PCDHGA3: variants seen among roughly 807,000 people sequenced by gnomAD.
The protein encoded by PCDHGA3 is protocadherin gamma-A3.
PCDHGA3 carries 40 observed loss-of-function variants against 58.5 expected under a neutral mutation model. That is an observed-to-expected ratio of 0.68 (90% CI 0.53 to 0.89). The LOEUF (loss-of-function observed/expected upper bound fraction) is 0.89. Among genes scored for constraint, PCDHGA3 ranks in the 40% least tolerant of loss-of-function variants. The pLI is 0.00. For missense variants in PCDHGA3, 1,223 were observed against 1,195.9 expected, an observed-to-expected ratio of 1.02 and a Z score of -0.33; for synonymous variants, 530 against 525.7, an observed-to-expected ratio of 1.01 and a Z score of -0.11.
At chr5:141,365,163 CCTA>C in intron 1 of PCDHGA3, 2 of 1,613,918 alleles carry the variant, frequency 1.2e-6, no homozygotes, top group Non-Finnish European at 1.7e-6. Flanking sequence ...GGGAAATTGA[CCTA>C]CTCTTTTCGC....
chr5:141,346,151 C>A lies in PCDHGA3; in HGVS notation c.2118C>A (p.Ala706=), dbSNP rs1357721004. ...AVAAVSCVFL[A]FVIVLLALRL... is the part of the protein sequence containing the mutation. ...CCGCGGTCTCCTGCGTCTTCCTGGC[C>A]TTCGTCATCGTGCTGCTGGCGCTCA... is the stretch of plus-strand genomic sequence containing the variant. Residue 706 remains alanine (A), a synonymous_variant, in exon 1 of 4, where the codon GCC becomes GCA. Transcript: ENST00000253812. 1 of 1,614,020 alleles carries A rather than the reference C, an allele frequency of 6.2e-7. No homozygotes were observed.
intron 1 of PCDHGA3, among the ~76,000 whole-genome samples, chr5:141,430,329 T>G (rs1466381565): frequency 1.3e-5 from 2 of 151,776 alleles, no homozygotes; most frequent in Non-Finnish European, 2.9e-5. Flanking sequence ...AATCATTGTT[T>G]ATAGAAACTT....
Position 141,485,428 on chromosome 5 carries a change from C to T in PCDHGA3, c.2425-9379C>T, listed in dbSNP as rs2099613200. Reference sequence around the variant, plus strand: ...TGGATTTGGACAGCGGAGCCCTGCTCATCAAGAACCCAATCGACCGAGAGG... The same window carrying T: ...TGGATTTGGACAGCGGAGCCCTGCTTATCAAGAACCCAATCGACCGAGAGG... On this transcript the variant is annotated intron_variant, in intron 1 of 3. Transcript: ENST00000253812. The surrounding 1 kb of genome is among the most constrained non-coding windows in gnomAD (Gnocchi z 5.7). The T allele has an allele frequency of 2.5e-6, 4 of 1,614,160 alleles. No homozygotes were observed. The highest frequency in any genetic ancestry group is 3.4e-6 in the Non-Finnish European group (4 of 1,180,022).
chr5:141,384,296 C>T (rs763513374), intron 1 of PCDHGA3: 5 of 1,613,712 alleles, frequency 3.1e-6, no homozygotes, highest in Middle Eastern at 1.6e-4. Flanking sequence ...GAGAACAACC[C>T]CAGAGGGGCC....
At chr5:141,443,330 C>A (rs1005631067) in intron 1 of PCDHGA3, among the ~76,000 whole-genome samples, 44 of 139,282 alleles carry the variant, frequency 3.2e-4, no homozygotes, top group African/African-American at 4.5e-4. Flanking sequence ...AAAAAAAAAA[C>A]AAAAATTAAC....
chr5:141,389,983 T>C (rs1224770373), intron 1 of PCDHGA3: 1 of 1,614,014 alleles, frequency 6.2e-7, no homozygotes, highest in East Asian at 2.2e-5. Context: ...ATCTCAGTGC[T>C]CTTCCTCGTG....
chr5:141,430,655 G>C (rs1309165721), intron 1 of PCDHGA3: 2 of 1,085,056 alleles, frequency 1.8e-6, no homozygotes, highest in Non-Finnish European at 2.6e-6. Flanking sequence ...TGGAAACAAC[G>C]GAGGAGCTCT....
At chr5:141,447,371 C>G (rs1180989888) in intron 1 of PCDHGA3, among the ~76,000 whole-genome samples, 1 of 151,826 alleles carries the variant, frequency 6.6e-6, no homozygotes, top group African/African-American at 2.4e-5. Context: ...ACTCCTGACC[C>G]TGGTGATCTG....
intron 1 of PCDHGA3, chr5:141,382,906 G>A (rs1778564792): frequency 6.5e-7 from 1 of 1,544,848 alleles, no homozygotes; most frequent in Non-Finnish European, 8.7e-7. Context: ...GACTATGGCG[G>A]CTCAGCCGAG....
chr5:141,398,360 G>A, intron 1 of PCDHGA3: 1 of 1,413,656 alleles, frequency 7.1e-7, no homozygotes, highest in Non-Finnish European at 9.8e-7. Flanking sequence ...TTCACCGTGA[G>A]CGCAGAGAGC....
intron 1 of PCDHGA3, among the ~76,000 whole-genome samples, chr5:141,354,588 A>G (rs1446342747): frequency 6.6e-6 from 1 of 152,214 alleles, no homozygotes; most frequent in Non-Finnish European, 1.5e-5. Flanking sequence ...TTGGGACTAA[A>G]GCCAGACCTC....
At chr5:141,428,169 G>T (rs758370904) in intron 1 of PCDHGA3, 5 of 1,539,960 alleles carry the variant, frequency 3.2e-6, no homozygotes, top group South Asian at 2.2e-5. Context: ...GTTGCTGTGC[G>T]TGACGGAGGA....
intron 1 of PCDHGA3, chr5:141,352,481 G>C: frequency 6.2e-7 from 1 of 1,614,036 alleles, no homozygotes; most frequent in South Asian, 1.1e-5. Flanking sequence ...CAACCACAGC[G>C]AGGGGACTTT....
rs11575954 is a variant in PCDHGA3 at position 141,376,006 on chromosome 5, C to T, written c.2424+29549C>T. The T allele has an allele frequency of 4.7e-3, 7,621 of 1,612,710 alleles. 42 individuals are homozygous for T. Among genetic ancestry groups the T allele is most frequent in the Admixed American group, 8.7e-3 (524 of 59,936 alleles). On this transcript the variant is annotated intron_variant, in intron 1 of 3. Transcript: ENST00000253812. ...TGGACAGAGACGCGCTCAAGCAGAG[C>T]CTAGTGGTGGCCGTCCAGGACCACG...
intron 1 of PCDHGA3, chr5:141,408,546 A>G (rs777449394): frequency 6.2e-7 from 1 of 1,613,898 alleles, no homozygotes; most frequent in Non-Finnish European, 8.5e-7. Context: ...AATCCTTTAA[A>G]TATTTTTCAT....
At chr5:141,382,962 G>C in intron 1 of PCDHGA3, 1 of 1,607,858 alleles carries the variant, frequency 6.2e-7, no homozygotes, top group Admixed American at 1.7e-5. Flanking sequence ...TCCTCCTGGG[G>C]ACCCCCTGGG....
chr5:141,455,924 G>A (rs2098837630), intron 1 of PCDHGA3, among the ~76,000 whole-genome samples: 1 of 149,978 alleles, frequency 6.7e-6, no homozygotes. Flanking sequence ...TTGAGACGGA[G>A]TCTCGCTCTG....
Position 141,419,013 on chromosome 5 carries a change from G to C in PCDHGA3, c.2424+72556G>C, listed in dbSNP as rs746229802. The C allele has an allele frequency of 6.9e-5, 111 of 1,613,840 alleles. No individual in the cohort carries two copies. In the East Asian group the frequency reaches 2.4e-3, roughly 35 times the overall value. ...GGGGAAAATGGGGAAGTCAGGTGTA[G>C]CTTAAGTAGAGGTGTTCCATTTAAG... is the stretch of plus-strand genomic sequence containing the variant. On this transcript the variant is annotated intron_variant, in intron 1 of 3. Transcript: ENST00000253812.
At chr5:141,444,115 AG>A (rs1206374963) in intron 1 of PCDHGA3, among the ~76,000 whole-genome samples, 3 of 147,326 alleles carry the variant, frequency 2.0e-5, no homozygotes, top group Admixed American at 2.0e-4. Context: ...AGAAAAGTGA[AG>A]TATCTCAACA....
Sources: gnomAD v4.1 joint callset for allele counts (sites outside exome capture counted in the v4.1 genomes callset) on GRCh38, gnomAD v4.1.1 for gene constraint, Gnocchi (gnomAD v3.1) non-coding constraint, MANE v1.5 for transcripts, NCBI Gene and HGNC (gene_info 2026-07-23, HGNC 2026-07-21) for gene names.